Variants in MAP3K9 observed in about 807,000 individuals in gnomAD.
MAP3K9 encodes the protein mitogen-activated protein kinase kinase kinase 9, also known as mixed lineage kinase 1 (tyr and ser/thr specificity).
Under a neutral mutation model 95.8 loss-of-function variants are expected in MAP3K9, and 46 were observed. The ratio of observed to expected loss-of-function variants is 0.48; its 90% CI spans 0.38 to 0.61. The LOEUF (loss-of-function observed/expected upper bound fraction) is 0.61. MAP3K9 is among the 20% of genes least tolerant of loss of function. MAP3K9 has a pLI of 0.00. For missense variants in MAP3K9, 1,296 were observed against 1,474.3 expected (o/e 0.88, Z 1.98); for synonymous variants, 533 against 593.8 (o/e 0.90, Z 1.49).
chr14:70,790,672 C>T (rs530930403), intron 2 of MAP3K9, among the ~76,000 whole-genome samples: 34 of 152,306 alleles, frequency 2.2e-4, no homozygotes, highest in African/African-American at 7.9e-4. Flanking sequence ...AACCATTTTG[C>T]GTGGTTCCCT....
At chr14:70,743,045 G>C (rs1336101645) in intron 5 of MAP3K9, among the ~76,000 whole-genome samples, 1 of 151,694 alleles carries the variant, frequency 6.6e-6, no homozygotes, top group Non-Finnish European at 1.5e-5. Context: ...GGAGTGCAGC[G>C]GTGCGATCTC....
At chr14:70,803,093 TGC>T (rs1215776320) in intron 1 of MAP3K9, among the ~76,000 whole-genome samples, 1 of 151,914 alleles carries the variant, frequency 6.6e-6, no homozygotes, top group Non-Finnish European at 1.5e-5. Context: ...TTTTCTCTCT[TGC>T]TCCTGGCTCC....
At chr14:70,787,710 A>C (rs1247638267) in intron 2 of MAP3K9, among the ~76,000 whole-genome samples, 1 of 152,172 alleles carries the variant, frequency 6.6e-6, no homozygotes, top group Non-Finnish European at 1.5e-5. Flanking sequence ...GCCCCTGAGA[A>C]GTTTATGAAA....
intron 2 of MAP3K9, among the ~76,000 whole-genome samples, chr14:70,762,789 TATA>T (rs2054393223): frequency 6.6e-6 from 1 of 152,232 alleles, no homozygotes; most frequent in Non-Finnish European, 1.5e-5. Flanking sequence ...ATACTTTTGG[TATA>T]ATATCTAAGA....
At position 70,729,316 on chromosome 14, in the gene MAP3K9, T is replaced by G. The variant is rs2053862108; in HGVS notation, c.*1064A>C. On this transcript the variant is annotated 3_prime_UTR_variant, in exon 12 of 12. Transcript: ENST00000554752. ...CCAAGTCCCAATGTCCAGGTGGCCATATGGTATTCTGCTTCATAGCTGTTC... is the reference window on the plus strand; with the variant it reads ...CCAAGTCCCAATGTCCAGGTGGCCAGATGGTATTCTGCTTCATAGCTGTTC... 6.6e-6 allele frequency: 1 copy of G among 152,248 alleles called. No individual in the cohort carries two copies. Among genetic ancestry groups the G allele is most frequent in the African/African-American group, 2.4e-5 (1 of 41,442 alleles). 9.4% of individuals were successfully genotyped at this position (152,248 alleles called of 1,614,324 possible).
At chr14:70,744,135 A>G (rs2054114273) in intron 5 of MAP3K9, among the ~76,000 whole-genome samples, 1 of 152,148 alleles carries the variant, frequency 6.6e-6, no homozygotes, top group Non-Finnish European at 1.5e-5. Flanking sequence ...TCTCACTCTA[A>G]GTGGGAGTTG....
chr14:70,770,620 G>A (rs1031170461), intron 2 of MAP3K9, among the ~76,000 whole-genome samples: 1 of 152,188 alleles, frequency 6.6e-6, no homozygotes. Flanking sequence ...ATCAGCACAT[G>A]AGCAAGACAG....
At chr14:70,759,806 GTGCAGTGGTGCAA>G (rs2054346380) in intron 3 of MAP3K9, among the ~76,000 whole-genome samples, 1 of 152,206 alleles carries the variant, frequency 6.6e-6, no homozygotes, top group South Asian at 2.1e-4. Context: ...CCAGGCTGAA[GTGCAGTGGTGCAA>G]TCACAGCTCA....
At chr14:70,807,766 G>A (rs898980477) in intron 1 of MAP3K9, among the ~76,000 whole-genome samples, 4 of 151,970 alleles carry the variant, frequency 2.6e-5, no homozygotes, top group African/African-American at 9.7e-5. Context: ...ATATTTACAT[G>A]TTTTTTTCTG....
chr14:70,787,889 G>A (rs932219693), intron 2 of MAP3K9, among the ~76,000 whole-genome samples: 4 of 152,156 alleles, frequency 2.6e-5, no homozygotes, highest in South Asian at 2.1e-4. Context: ...TGCTACATGC[G>A]AAGTCCTATA....
At position 70,809,080 on chromosome 14, in the gene MAP3K9, TCCTCGGCCC is replaced by T; in HGVS notation, c.83_91del (p.Gly28_Glu30del). The T allele has an allele frequency of 7.0e-7, 1 of 1,429,016 alleles. No homozygotes were observed. Among genetic ancestry groups the T allele is most frequent in the Non-Finnish European group, 9.1e-7 (1 of 1,098,488 alleles). The allele number at this position is 1,429,016 out of a possible 1,614,324, so 88.5% of individuals were successfully genotyped here. A position where few individuals can be genotyped will look rare whatever the true frequency, so the allele number is the denominator to read the frequency against. ...CGCCTCCTCCTCCTCCTCCTCCTCC[TCCTCGGCCC>T]CGGCCCCTGCTCCATCCTCCCCCGG... On this transcript the variant is annotated inframe_deletion, in exon 1 of 12. Coordinates refer to ENST00000554752, the MANE Select transcript of MAP3K9 (RefSeq NM_001284230.2).
At chr14:70,760,141 G>GCACACACACACACA (rs60112409) in intron 3 of MAP3K9, among the ~76,000 whole-genome samples, 83 of 147,806 alleles carry the variant, frequency 5.6e-4, no homozygotes, top group Admixed American at 1.4e-3. Flanking sequence ...AAATAAACGT[G>GCACACACACACACA]CACACACACA....
intron 3 of MAP3K9, among the ~76,000 whole-genome samples, chr14:70,752,707 G>A (rs190970152): frequency 1.3e-5 from 2 of 152,288 alleles, no homozygotes; most frequent in East Asian, 3.9e-4. Flanking sequence ...GACAAAGACA[G>A]ACGGTATCTG....
chr14:70,733,523 C>G (rs545549535), intron 10 of MAP3K9, 181 bp from the exon 11 acceptor site: 3 of 609,368 alleles, frequency 4.9e-6, no homozygotes, highest in East Asian at 5.5e-5. Context: ...TATCCACCCC[C>G]CAACACAGGG....
rs114902891 is a variant in MAP3K9, at chr14:70,796,578, T to C, written c.820+4089A>G. On this transcript the variant is annotated intron_variant, in intron 2 of 11. Coordinates refer to ENST00000554752, the MANE Select transcript of MAP3K9 (RefSeq NM_001284230.2). ...CAGCATAAAAGCCTCCATCTCCCTG[T>C]CTCCTCTCCAGCGAGTGATGGCCAG... Among the ~76,000 whole-genome samples, 398 of 152,288 alleles carry C rather than the reference T, an allele frequency of 2.6e-3. 2 individuals are homozygous for C. Among genetic ancestry groups the C allele is most frequent in the African/African-American group, 9.3e-3 (385 of 41,556 alleles).
At chr14:70,737,130 T>C (rs2053996400) in intron 8 of MAP3K9, among the ~76,000 whole-genome samples, 1 of 152,186 alleles carries the variant, frequency 6.6e-6, no homozygotes, top group Admixed American at 6.5e-5. Context: ...CAAGAAACAC[T>C]GTGCTAGCTT....
At chr14:70,766,801 ATG>A (rs2054461632) in intron 2 of MAP3K9, among the ~76,000 whole-genome samples, 2 of 152,122 alleles carry the variant, frequency 1.3e-5, no homozygotes, top group African/African-American at 4.8e-5. Flanking sequence ...AAGAAATCCT[ATG>A]TGTCTTTAAG....
At chr14:70,750,840 A>G (rs1042604935) in intron 3 of MAP3K9, among the ~76,000 whole-genome samples, 2 of 152,204 alleles carry the variant, frequency 1.3e-5, no homozygotes, top group Admixed American at 1.3e-4. Flanking sequence ...CCTCCCAAGT[A>G]TAATTTTTTT....
At chr14:70,765,970 T>C (rs2054449562) in intron 2 of MAP3K9, among the ~76,000 whole-genome samples, 1 of 151,532 alleles carries the variant, frequency 6.6e-6, no homozygotes, top group African/African-American at 2.4e-5. Context: ...CGTAAGTCAA[T>C]GGGGGCCTGG....
Sources: allele counts gnomAD v4.1 joint callset (sites outside exome capture counted in the v4.1 genomes callset), GRCh38; gene constraint gnomAD v4.1.1; transcripts MANE v1.5; gene names NCBI Gene and HGNC (gene_info 2026-07-23, HGNC 2026-07-21).